Variants in PRKCB observed in about 807,000 individuals in gnomAD.
The protein encoded by PRKCB is protein kinase C beta.
Under a neutral mutation model 81.5 loss-of-function variants are expected in PRKCB, and 13 were observed. That is an observed-to-expected ratio of 0.16 (90% CI 0.10 to 0.25). The LOEUF is 0.25. Among genes scored for constraint, PRKCB ranks in the 10% least tolerant of loss-of-function variants. The probability of loss-of-function intolerance (pLI) is 1.00; values close to 1 mark genes in which losing one functional copy is unlikely to be tolerated. For missense variants in PRKCB, 509 were observed against 875.7 expected (o/e 0.58, Z 5.29); for synonymous variants, 335 against 321.4 (o/e 1.04, Z -0.45).
intron 2 of PRKCB, among the ~76,000 whole-genome samples, chr16:23,877,396 T>C (rs1422577097): frequency 6.6e-6 from 1 of 152,146 alleles, no homozygotes; most frequent in Non-Finnish European, 1.5e-5. Flanking sequence ...AAAAAGGTGC[T>C]AAGTCTGGGG....
At chr16:24,017,892 ATTTT>A (rs35809970) in intron 3 of PRKCB, among the ~76,000 whole-genome samples, 1 of 113,264 alleles carries the variant, frequency 8.8e-6, no homozygotes, top group African/African-American at 3.5e-5. Flanking sequence ...ACCATAACTA[ATTTT>A]TTTTTTTTTT....
chr16:24,213,029 T>TTTATTTAG (rs1175070800), intron 16 of PRKCB, among the ~76,000 whole-genome samples: 1 of 150,538 alleles, frequency 6.6e-6, no homozygotes, highest in East Asian at 1.9e-4. Flanking sequence ...TATTTATTTA[T>TTTATTTAG]TTATTTATTT....
chr16:23,891,040 G>GTATA (rs60980013), intron 2 of PRKCB, among the ~76,000 whole-genome samples: 1,953 of 145,740 alleles, frequency 0.013, 41 homozygotes, highest in African/African-American at 0.048. Flanking sequence ...TAATGTGTGT[G>GTATA]TATATATATA....
intron 7 of PRKCB, among the ~76,000 whole-genome samples, chr16:24,101,244 T>C (rs542939229): frequency 6.6e-6 from 1 of 152,324 alleles, no homozygotes; most frequent in South Asian, 2.1e-4. Context: ...GTTATCGTCT[T>C]TGTTTTAAAG....
At chr16:24,108,123 C>A (rs1177836550) in intron 7 of PRKCB, among the ~76,000 whole-genome samples, 1 of 151,732 alleles carries the variant, frequency 6.6e-6, no homozygotes, top group South Asian at 2.1e-4. Context: ...TCTACTTGCA[C>A]GTGCATAACC....
Position 24,006,057 on chromosome 16 carries a change from C to T in PRKCB, c.288+17467C>T, listed in dbSNP as rs539609878. On this transcript the variant is annotated intron_variant, in intron 3 of 16. Coordinates refer to ENST00000643927, the MANE Select transcript of PRKCB (RefSeq NM_002738.7). Reference sequence around the variant, plus strand: ...TTAGTCTAAATGATACAGTCTCCACCTCCCTTCCTCCCTTCCTCCCTTCTT... The same window carrying T: ...TTAGTCTAAATGATACAGTCTCCACTTCCCTTCCTCCCTTCCTCCCTTCTT... Among the ~76,000 whole-genome samples the T allele has an allele frequency of 2.5e-3, 378 of 152,230 alleles. 1 individual carries two copies. Among genetic ancestry groups the T allele is most frequent in the Non-Finnish European group, 4.6e-3 (314 of 68,006 alleles).
intron 5 of PRKCB, among the ~76,000 whole-genome samples, chr16:24,066,075 CTGTG>C (rs58216806): frequency 0.1 from 14,529 of 139,638 alleles, 825 homozygotes; most frequent in African/African-American, 0.15. Flanking sequence ...TGTGATGTTC[CTGTG>C]TGTGTGTGTG....
intron 2 of PRKCB, among the ~76,000 whole-genome samples, chr16:23,874,540 C>T (rs1459554855): frequency 6.7e-6 from 1 of 149,402 alleles, no homozygotes; most frequent in African/African-American, 2.5e-5. Flanking sequence ...TGTACCCACA[C>T]AGGCCTAGCA....
At chr16:23,980,458 T>C (rs1299927358) in intron 2 of PRKCB, among the ~76,000 whole-genome samples, 3 of 152,216 alleles carry the variant, frequency 2.0e-5, no homozygotes, top group South Asian at 4.1e-4. Context: ...AGTTTGCATG[T>C]GTTGTCTTAT....
chr16:24,207,428 C>A (rs532957962), intron 16 of PRKCB, among the ~76,000 whole-genome samples: 7 of 152,126 alleles, frequency 4.6e-5, no homozygotes, highest in Non-Finnish European at 1.0e-4. Flanking sequence ...TTAAAACCAT[C>A]TGTAATTCTT....
At chr16:24,084,058 A>G (rs1966284558) in intron 5 of PRKCB, among the ~76,000 whole-genome samples, 1 of 152,190 alleles carries the variant, frequency 6.6e-6, no homozygotes, top group African/African-American at 2.4e-5. Flanking sequence ...AGCAGTAGAT[A>G]GAGGAGTGCC....
In PRKCB at chr16:24,172,280, A is replaced by G. The variant is rs1350481952; in HGVS notation, c.1250A>G (p.Tyr417Cys). 6.2e-7 allele frequency: 1 copy of G among 1,613,872 alleles called. No homozygotes were observed. Among genetic ancestry groups the G allele is most frequent in the South Asian group, 1.1e-5 (1 of 91,052 alleles). ...HSCFQTMDRL[Y>C]FVMEYVNGGD... Reference sequence around the variant, plus strand: ...GCTGTCCTCTTCCAGGACCGCCTGTACTTTGTGATGGAGTACGTGAATGGG... The same window carrying G: ...GCTGTCCTCTTCCAGGACCGCCTGTGCTTTGTGATGGAGTACGTGAATGGG... Residue 417 changes from tyrosine (Y) to cysteine (C), a missense_variant, in exon 11 of 17, where the codon TAC (tyrosine) becomes TGC (cysteine). Coordinates refer to ENST00000643927, the MANE Select transcript of PRKCB (RefSeq NM_002738.7).
At chr16:24,062,029 G>T (rs542602924) in intron 5 of PRKCB, among the ~76,000 whole-genome samples, 1 of 151,940 alleles carries the variant, frequency 6.6e-6, no homozygotes, top group Middle Eastern at 3.4e-3. Context: ...CTGCCTCATG[G>T]TTCACACCCC....
At chr16:24,103,801 A>G (rs1966540697) in intron 7 of PRKCB, among the ~76,000 whole-genome samples, 1 of 152,070 alleles carries the variant, frequency 6.6e-6, no homozygotes, top group African/African-American at 2.4e-5. Context: ...AATGTATTAT[A>G]AGGTCCAGAT....
At chr16:24,071,905 G>C (rs540607079) in intron 5 of PRKCB, among the ~76,000 whole-genome samples, 17 of 152,058 alleles carry the variant, frequency 1.1e-4, no homozygotes, top group Non-Finnish European at 1.9e-4. Flanking sequence ...CATTCTGGAG[G>C]GGTCGTCGGC....
chr16:24,128,482 G>A (rs1966848427), intron 9 of PRKCB, among the ~76,000 whole-genome samples: 1 of 152,232 alleles, frequency 6.6e-6, no homozygotes, highest in Admixed American at 6.5e-5. Flanking sequence ...GGAAGCAATG[G>A]TGAAGGACAT....
chr16:24,041,053 A>ATTT (rs142356879), intron 5 of PRKCB, among the ~76,000 whole-genome samples: 1,570 of 136,998 alleles, frequency 0.011, 32 homozygotes, highest in African/African-American at 0.032. Flanking sequence ...TGCAACAATA[A>ATTT]TTTTTTTTGT....
chr16:23,874,562 TTCTCTC>T (rs201132389), intron 2 of PRKCB, among the ~76,000 whole-genome samples: 1 of 73,578 alleles, frequency 1.4e-5, no homozygotes, highest in African/African-American at 6.3e-5. Flanking sequence ...CACCAGATTC[TTCTCTC>T]TTTTTTTTTT....
chr16:23,928,765 C>G (rs2141753691), intron 2 of PRKCB, among the ~76,000 whole-genome samples: 1 of 151,944 alleles, frequency 6.6e-6, no homozygotes, highest in African/African-American at 2.4e-5. Context: ...GTTGCCCAGG[C>G]TGGAGTGCAA....
Sources: allele counts gnomAD v4.1 joint callset (sites outside exome capture counted in the v4.1 genomes callset), GRCh38; gene constraint gnomAD v4.1.1; transcripts MANE v1.5; gene names NCBI Gene and HGNC (gene_info 2026-07-23, HGNC 2026-07-21).